RPL30: variants seen among roughly 807,000 people sequenced by gnomAD.
RPL30 encodes large ribosomal subunit protein eL30.
For missense variants in RPL30, 60 were observed against 138.0 expected, an observed-to-expected ratio of 0.43 and a Z score of 2.83; for synonymous variants, 40 against 50.4, an observed-to-expected ratio of 0.79 and a Z score of 0.87.
At position 98,045,096 on chromosome 8, in the gene RPL30, G is replaced by A. The variant is rs754115292; in HGVS notation, c.22-8C>T. The A allele has an allele frequency of 6.2e-7, 1 of 1,612,978 alleles. No individual in the cohort carries two copies. The highest frequency in any genetic ancestry group is 8.5e-7 in the Non-Finnish European group (1 of 1,179,520). ...CGACTCCAGCGACTTTTTCTACAAA[G>A]CAAACATTAAATACGGACCTAAGGG... On this transcript the variant is annotated splice_region_variant and splice_polypyrimidine_tract_variant and intron_variant, in intron 2 of 4. Coordinates refer to ENST00000287038, the MANE Select transcript of RPL30 (RefSeq NM_000989.4).
Position 98,045,376 on chromosome 8 carries a change from C to A in RPL30, c.-9G>T. 1 of 1,614,196 alleles carries A rather than the reference C, an allele frequency of 6.2e-7. No individual in the cohort carries two copies. The highest frequency in any genetic ancestry group is 8.5e-7 in the Non-Finnish European group (1 of 1,180,044). On this transcript the variant is annotated 5_prime_UTR_variant, in exon 2 of 5. The change creates a new upstream start codon in the 5' untranslated region. Coordinates refer to ENST00000287038, the MANE Select transcript of RPL30 (RefSeq NM_000989.4). ...TTCTTTGCGGCCACCATCTTCCTGC[C>A]TTAGGAGCGGGACGGCCCCCAACCT...
At chr8:98,042,513 C>T (rs1444075743) in intron 4 of RPL30, 132 bp downstream of exon 4, 20 of 841,602 alleles carry the variant, frequency 2.4e-5, no homozygotes, top group East Asian at 5.0e-5. Context: ...TACAACTACA[C>T]GATATGCCTT....
chr8:98,041,974 T>C (rs941159764), intron 4 of RPL30, 124 bp from the exon 5 acceptor site: 2 of 751,658 alleles, frequency 2.7e-6, no homozygotes, highest in African/African-American at 3.5e-5. Context: ...GCACTGACTT[T>C]TTGCAAAAGT....
chr8:98,042,618 AAAG>A (rs1814398856), intron 4 of RPL30, 24 bp downstream of exon 4: 1 of 1,591,838 alleles, frequency 6.3e-7, no homozygotes, highest in African/African-American at 1.4e-5. Flanking sequence ...CAAAAAAAAA[AAAG>A]ACTTTATGAT....
intron 4 of RPL30, 67 bp from the exon 5 acceptor site, chr8:98,041,917 T>C (rs1814383194): frequency 8.5e-7 from 1 of 1,179,572 alleles, no homozygotes; most frequent in Non-Finnish European, 1.2e-6. Flanking sequence ...ACCATAAAAT[T>C]TCTCTACCTT....
chr8:98,043,841 G>A (rs1029400799), intron 3 of RPL30: 1 of 151,966 alleles, frequency 6.6e-6, no homozygotes, highest in Non-Finnish European at 1.5e-5. Flanking sequence ...AGCCGGGCAC[G>A]GTAGCTCACA....
chr8:98,044,486 T>A (rs1322770269), intron 3 of RPL30: 1 of 158,922 alleles, frequency 6.3e-6, no homozygotes, highest in Non-Finnish European at 1.4e-5. Flanking sequence ...AAATCTTGAC[T>A]CAGAACTGAT....
chr8:98,045,200 A>G, intron 2 of RPL30, 112 bp from the exon 3 acceptor site: 1 of 1,536,400 alleles, frequency 6.5e-7, no homozygotes, highest in Admixed American at 1.8e-5. Context: ...GAGGACCCCA[A>G]GTCATTGAGA....
chr8:98,041,943 T>C, intron 4 of RPL30, 93 bp from the exon 5 acceptor site: 2 of 921,290 alleles, frequency 2.2e-6, no homozygotes, highest in South Asian at 1.4e-5. Context: ...ATCCCTTCTG[T>C]AGACAATGGT....
rs879191763 is a variant in RPL30, at chr8:98,041,857, A to C, written c.299-7T>G. 6.4e-7 allele frequency: 1 copy of C among 1,572,262 alleles called. No individual in the cohort carries two copies. The highest frequency in any genetic ancestry group is 1.4e-5 in the African/African-American group (1 of 73,678). Reference sequence around the variant, plus strand: ...CTAATGATGTCAGAGTCACCTAAAAAATAAAAATAAAAAAACAGTAATTTT... The same window carrying C: ...CTAATGATGTCAGAGTCACCTAAAACATAAAAATAAAAAAACAGTAATTTT... On this transcript the variant is annotated splice_polypyrimidine_tract_variant and splice_region_variant and intron_variant, in intron 4 of 4. Transcript: ENST00000287038.
chr8:98,044,879 A>T (rs1346480082), intron 3 of RPL30, 64 bp downstream of exon 3: 1 of 1,519,040 alleles, frequency 6.6e-7, no homozygotes, highest in Non-Finnish European at 9.0e-7. Context: ...ACAAGTTTAC[A>T]CTCCTGTATA....
Position 98,045,358 on chromosome 8 carries a change from C to T in RPL30, c.10G>A (p.Ala4Thr). 1 of 1,614,176 alleles carries T rather than the reference C, an allele frequency of 6.2e-7. No homozygotes were observed. Among genetic ancestry groups the T allele is most frequent in the East Asian group, 2.2e-5 (1 of 44,876 alleles). The change falls in exon 2 of 5, where the codon GCA becomes ACA. Residue 4 changes from alanine (A) to threonine (T), a missense_variant. Ala to Thr is a moderately conservative substitution (Grantham distance 58). Transcript: ENST00000287038. Reference sequence around the variant, plus strand: ...CCCGCCTCACTCACCGTCTTCTTTGCGGCCACCATCTTCCTGCCTTAGGAG... The same window carrying T: ...CCCGCCTCACTCACCGTCTTCTTTGTGGCCACCATCTTCCTGCCTTAGGAG... MVA[A>T]KKTKKSLESI...
At chr8:98,042,463 A>G in intron 4 of RPL30, 182 bp downstream of exon 4, 1 of 588,504 alleles carries the variant, frequency 1.7e-6, no homozygotes, top group Non-Finnish European at 2.9e-6. Flanking sequence ...AATAAAGCCA[A>G]TTATAATGTA....
At chr8:98,044,608 T>C (rs1442830770) in intron 3 of RPL30, 1 of 249,936 alleles carries the variant, frequency 4.0e-6, no homozygotes, top group Non-Finnish European at 7.6e-6. Flanking sequence ...TGAAGCATCA[T>C]TAAAGCACCT....
chr8:98,042,320 C>A (rs1236714436), intron 4 of RPL30: 3 of 443,894 alleles, frequency 6.8e-6, no homozygotes, highest in Non-Finnish European at 1.3e-5. Flanking sequence ...TCTCAAGAAG[C>A]AAGAATTACT....
intron 3 of RPL30, chr8:98,043,446 T>TTTC (rs1554618472): frequency 6.6e-6 from 1 of 150,638 alleles, no homozygotes; most frequent in African/African-American, 2.4e-5. Context: ...TTTTTTTTTT[T>TTTC]AATCTAATGA....
Position 98,044,951 on chromosome 8 carries a change from T to C in RPL30, c.159A>G (p.Pro53=), listed in dbSNP as rs779141712. 1 of 1,613,236 alleles carries C rather than the reference T, an allele frequency of 6.2e-7. No individual in the cohort carries two copies. Among genetic ancestry groups the C allele is most frequent in the Non-Finnish European group, 8.5e-7 (1 of 1,179,944 alleles). The change falls in exon 3 of 5, where the codon CCA becomes CCG. Residue 53 remains proline (P), a synonymous_variant. Transcript: ENST00000287038. The part of the protein sequence containing the change: ...AKLVILANNC[P]ALRKSEIEYY... ...TCAGTCTCTTCGATTACCTCAAAGCTGGGCAGTTGTTAGCGAGAATGACCA... is the reference window on the plus strand; with the variant it reads ...TCAGTCTCTTCGATTACCTCAAAGCCGGGCAGTTGTTAGCGAGAATGACCA...
In RPL30 at chr8:98,042,713, T is replaced by C. The variant is rs1357887119; in HGVS notation, c.230A>G (p.Asn77Ser). 3 of 1,610,896 alleles carry C rather than the reference T, an allele frequency of 1.9e-6. No homozygotes were observed. The highest frequency in any genetic ancestry group is 1.7e-5 in the Admixed American group (1 of 59,212). Reference protein sequence around the residue: ...AKTGVHHYSGNNIELGTACGK... With the variant: ...AKTGVHHYSGSNIELGTACGK... ...GCATGCTGTGCCCAGTTCAATATTA[T>C]TGCCACTGTAGTGATGGACACCAGT... The change falls in exon 4 of 5, where the codon AAT becomes AGT. Residue 77 changes from asparagine (N) to serine (S), a missense_variant. By Grantham distance (46) the Asn-to-Ser change is conservative. Coordinates refer to ENST00000287038, the MANE Select transcript of RPL30 (RefSeq NM_000989.4).
rs1814450249 is a variant in RPL30, at chr8:98,045,012, T to C, written c.98A>G (p.Gln33Arg). 2 of 1,613,986 alleles carry C rather than the reference T, an allele frequency of 1.2e-6. No individual in the cohort carries two copies. The highest frequency in any genetic ancestry group is 1.7e-6 in the Non-Finnish European group (2 of 1,180,020). ...GCCTTGTCTGATCATCTTCAGAGTC[T>C]GCTTGTACCCCAGGACGTACTTCCC... The part of the protein sequence containing the change: ...KSGKYVLGYK[Q>R]TLKMIRQGKA... Residue 33 changes from glutamine to arginine, a missense_variant, in exon 3 of 5, where the codon CAG becomes CGG. By Grantham distance (43) the Gln-to-Arg change is conservative. Coordinates refer to ENST00000287038, the MANE Select transcript of RPL30 (RefSeq NM_000989.4).
Sources: allele counts gnomAD v4.1 joint callset, GRCh38; gene constraint gnomAD v4.1.1; transcripts MANE v1.5; gene names NCBI Gene and HGNC (gene_info 2026-07-23, HGNC 2026-07-21).